Variants in EPS15 observed in about 807,000 individuals in gnomAD.
EPS15 encodes the protein epidermal growth factor receptor pathway substrate 15.
EPS15 carries 72 observed loss-of-function variants against 113.8 expected under a neutral mutation model. The ratio of observed to expected loss-of-function variants is 0.63; its 90% CI spans 0.52 to 0.77. EPS15 has a LOEUF of 0.77. EPS15 is among the 30% of genes least tolerant of loss of function. EPS15 has a pLI of 0.00. For synonymous variants in EPS15, 344 were observed against 363.4 expected, an observed-to-expected ratio of 0.95 and a Z score of 0.61; for missense variants, 1,048 against 1,045.8, an observed-to-expected ratio of 1.00 and a Z score of -0.03.
chr1:51,399,478 T>G (rs1018839198), intron 19 of EPS15, among the ~76,000 whole-genome samples: 3 of 149,270 alleles, frequency 2.0e-5, no homozygotes, highest in Non-Finnish European at 4.4e-5. Context: ...CTTGAACCTG[T>G]GAGGCAGAGG....
chr1:51,426,588 G>T (rs1331835962), intron 12 of EPS15, among the ~76,000 whole-genome samples: 1 of 151,252 alleles, frequency 6.6e-6, no homozygotes. Context: ...TAAATCGGTA[G>T]GCTTGAGTAA....
intron 16 of EPS15, 112 bp downstream of exon 16, chr1:51,405,793 C>A: frequency 2.4e-6 from 2 of 822,594 alleles, no homozygotes. Flanking sequence ...AAGGAAATCT[C>A]AATTGTCCTC....
chr1:51,370,799 T>C (rs1646630127), intron 21 of EPS15, among the ~76,000 whole-genome samples: 1 of 152,060 alleles, frequency 6.6e-6, no homozygotes, highest in Non-Finnish European at 1.5e-5. Context: ...TTTTGCACTT[T>C]TAGTAGAGAT....
chr1:51,461,080 A>G lies in EPS15; in HGVS notation c.561+11T>C, dbSNP rs766536437. The stretch of plus-strand genomic sequence containing the variant: ...AGATAATGAAGATGTTAAGAACATT[A>G]GATTACTTACAACTGCAAACTCATC... On this transcript the variant is annotated intron_variant, in intron 8 of 24. Transcript: ENST00000371733. 6.5e-7 allele frequency: 1 copy of G among 1,545,324 alleles called. No individual in the cohort carries two copies. Among genetic ancestry groups the G allele is most frequent in the Non-Finnish European group, 8.9e-7 (1 of 1,117,344 alleles).
chr1:51,463,455 A>C (rs994516319), intron 7 of EPS15: 2 of 397,526 alleles, frequency 5.0e-6, no homozygotes, highest in African/African-American at 4.1e-5. Context: ...TTACATATGT[A>C]ATTCATTTCA....
intron 1 of EPS15, among the ~76,000 whole-genome samples, chr1:51,503,189 CTTG>C (rs1229416122): frequency 1.3e-5 from 2 of 151,978 alleles, no homozygotes; most frequent in African/African-American, 4.8e-5. Context: ...ATCAGAAGAC[CTTG>C]TTAAGATAAT....
chr1:51,461,237 G>C, intron 7 of EPS15, 87 bp from the exon 8 acceptor site: 4 of 962,194 alleles, frequency 4.2e-6, no homozygotes, highest in Non-Finnish European at 6.7e-6. Context: ...TATGAGCTAG[G>C]AATGGTGGCT....
At chr1:51,420,051 A>C (rs1433739530) in intron 13 of EPS15, among the ~76,000 whole-genome samples, 2 of 152,122 alleles carry the variant, frequency 1.3e-5, no homozygotes, top group Admixed American at 1.3e-4. Flanking sequence ...GTCTTTACTT[A>C]CCATGGCCCA....
At chr1:51,447,185 T>G in intron 9 of EPS15, 80 bp from the exon 10 acceptor site, 1 of 1,281,472 alleles carries the variant, frequency 7.8e-7, no homozygotes, top group Non-Finnish European at 1.1e-6. Context: ...CATTACAATA[T>G]CCATCACAAA....
intron 8 of EPS15, among the ~76,000 whole-genome samples, chr1:51,451,521 GAA>G (rs55715109): frequency 1.1e-3 from 155 of 140,648 alleles, no homozygotes; most frequent in Non-Finnish European, 1.8e-3. Context: ...AAGAAAGAAA[GAA>G]AAGAAAAAAA....
chr1:51,482,906 TA>T (rs2148525047), intron 1 of EPS15, among the ~76,000 whole-genome samples: 1 of 152,250 alleles, frequency 6.6e-6, no homozygotes, highest in African/African-American at 2.4e-5. Flanking sequence ...AGCATAATTT[TA>T]AAAATACATA....
intron 2 of EPS15, among the ~76,000 whole-genome samples, chr1:51,474,684 T>A (rs1020403415): frequency 2.2e-4 from 34 of 151,862 alleles, no homozygotes; most frequent in African/African-American, 8.2e-4. Context: ...TCTTTTTTTA[T>A]TATTATTATT....
At chr1:51,422,159 ATGGAAAT>A in intron 12 of EPS15, 1 of 633,818 alleles carries the variant, frequency 1.6e-6, no homozygotes. Context: ...CACTGTTGCT[ATGGAAAT>A]AGTGTCCAAT....
At chr1:51,497,446 T>C (rs1449711248) in intron 1 of EPS15, among the ~76,000 whole-genome samples, 4 of 152,170 alleles carry the variant, frequency 2.6e-5, no homozygotes, top group Admixed American at 2.6e-4. Context: ...AAAAGCTCAA[T>C]ATGACCTAAT....
intron 20 of EPS15, among the ~76,000 whole-genome samples, chr1:51,398,639 A>C (rs1167228879): frequency 1.3e-5 from 2 of 152,250 alleles, no homozygotes; most frequent in African/African-American, 4.8e-5. Context: ...AGATGTGTCT[A>C]TGAAATAACA....
At chr1:51,512,764 T>C (rs933030896) in intron 1 of EPS15, among the ~76,000 whole-genome samples, 3 of 151,804 alleles carry the variant, frequency 2.0e-5, no homozygotes, top group African/African-American at 7.3e-5. Flanking sequence ...ATAATATACA[T>C]GTTGATCAAG....
intron 2 of EPS15, among the ~76,000 whole-genome samples, chr1:51,479,769 T>C (rs1643986318): frequency 6.6e-6 from 1 of 152,182 alleles, no homozygotes; most frequent in Non-Finnish European, 1.5e-5. Context: ...CTTCTTTTAT[T>C]CAAACAAAAC....
In EPS15 at chr1:51,390,286, C is replaced by G. The variant is rs554151578; in HGVS notation, c.2119+4095G>C. On this transcript the variant is annotated intron_variant, in intron 21 of 24. Coordinates refer to ENST00000371733, the MANE Select transcript of EPS15 (RefSeq NM_001981.3). ...TATGTAGAAAGCTGAAACTGGATCCCTTCCTTACACCTTATACAAAAATTA... is the reference window on the plus strand; with the variant it reads ...TATGTAGAAAGCTGAAACTGGATCCGTTCCTTACACCTTATACAAAAATTA... Among the ~76,000 whole-genome samples the G allele has an allele frequency of 1.7e-3, 261 of 152,136 alleles. 1 individual carries two copies. The highest frequency in any genetic ancestry group is 5.9e-3 in the African/African-American group (243 of 41,512).
At chr1:51,384,290 CTTT>C (rs1557785340) in intron 21 of EPS15, among the ~76,000 whole-genome samples, 19 of 124,854 alleles carry the variant, frequency 1.5e-4, no homozygotes, top group South Asian at 2.9e-4. Flanking sequence ...TTTTCTTTTT[CTTT>C]CTTTCTTTTT....
Sources: gnomAD v4.1 joint callset for allele counts (sites outside exome capture counted in the v4.1 genomes callset) on GRCh38, gnomAD v4.1.1 for gene constraint, MANE v1.5 for transcripts, NCBI Gene and HGNC (gene_info 2026-07-23, HGNC 2026-07-21) for gene names.